Variants in PIK3R5 observed in about 807,000 individuals in gnomAD.
The protein encoded by PIK3R5 is phosphoinositide 3-kinase regulatory subunit 5.
Under a neutral mutation model 94.9 loss-of-function variants are expected in PIK3R5, and 32 were observed. The ratio of observed to expected loss-of-function variants is 0.34; its 90% CI spans 0.25 to 0.45. The LOEUF is 0.45. Ranked by LOEUF, PIK3R5 falls within the 20% of genes least tolerant of loss-of-function variation. The probability of loss-of-function intolerance (pLI) is 1.00; values close to 1 mark genes in which losing one functional copy is unlikely to be tolerated. For synonymous variants in PIK3R5, 443 were observed against 479.4 expected (o/e 0.92, Z 0.99); for missense variants, 853 against 1,144.6 (o/e 0.75, Z 3.68).
At chr17:8,908,481 A>C (rs1697208199) in intron 3 of PIK3R5, among the ~76,000 whole-genome samples, 1 of 151,952 alleles carries the variant, frequency 6.6e-6, no homozygotes, top group African/African-American at 2.4e-5. Flanking sequence ...TAGGTAGCCG[A>C]GAGTGAAAGT....
chr17:8,888,932 C>G lies in PIK3R5; in HGVS notation c.896-41G>C. ...GCCAGCACTGTCTGGGCGTCTGGGC[C>G]CCGGATCCCCTTCTATATTCCCTTT... is the stretch of plus-strand genomic sequence containing the variant. On this transcript the variant is annotated intron_variant, in intron 9 of 18. Transcript: ENST00000447110. The surrounding 1 kb of genome is among the most constrained non-coding windows in gnomAD (Gnocchi z 7.8). The G allele has an allele frequency of 6.4e-7, 1 of 1,560,950 alleles. No individual in the cohort carries two copies. The highest frequency in any genetic ancestry group is 2.2e-5 in the East Asian group (1 of 44,486).
In PIK3R5 at chr17:8,893,252, C is replaced by A. The variant is rs757936796; in HGVS notation, c.482+334G>T. Reference sequence around the variant, plus strand: ...GCTCGTACCCTTGCTCGCTGTGTGACCTTGGGGAAGTTGCTTGACCTCTCT... The same window carrying A: ...GCTCGTACCCTTGCTCGCTGTGTGAACTTGGGGAAGTTGCTTGACCTCTCT... On this transcript the variant is annotated intron_variant, in intron 6 of 18. Transcript: ENST00000447110. The surrounding 1 kb of genome is among the most constrained non-coding windows in gnomAD (Gnocchi z 5.1). Among the ~76,000 whole-genome samples the A allele has an allele frequency of 1.3e-5, 2 of 152,106 alleles. No homozygotes were observed. The highest frequency in any genetic ancestry group is 6.5e-5 in the Admixed American group (1 of 15,270).
chr17:8,917,850 A>C lies in PIK3R5; in HGVS notation c.-13-6343T>G, dbSNP rs2090660609. Among the ~76,000 whole-genome samples the C allele has an allele frequency of 1.3e-5, 2 of 152,212 alleles. 1 individual carries two copies. The highest frequency in any genetic ancestry group is 4.1e-4 in the South Asian group (2 of 4,830). On this transcript the variant is annotated intron_variant, in intron 1 of 18. Coordinates refer to ENST00000447110, the MANE Select transcript of PIK3R5 (RefSeq NM_001142633.3). ...CACTGCACTCCAGCCTAGGTGACACAGCAAGACTCCATGTCAAAAAAAGAA... is the reference window on the plus strand; with the variant it reads ...CACTGCACTCCAGCCTAGGTGACACCGCAAGACTCCATGTCAAAAAAAGAA...
Position 8,960,329 on chromosome 17 carries a change from C to A in PIK3R5, c.-14+5267G>T, listed in dbSNP as rs191322748. ...CTCAAATATGACTTCTTCAGAGAAA[C>A]CTTTCCTTAACCCCTCAACTATATT... On this transcript the variant is annotated intron_variant, in intron 1 of 18. Transcript: ENST00000447110. Among the ~76,000 whole-genome samples, 7 of 152,360 alleles carry A rather than the reference C, an allele frequency of 4.6e-5. No homozygotes were observed. The East Asian group carries it at 7.7e-4, about 17-fold the overall frequency.
rs1391945616 is a variant in PIK3R5, at chr17:8,925,126, GATAGATAGATAGTAGATGA to G, written c.-13-13638_-13-13620del. On this transcript the variant is annotated intron_variant, in intron 1 of 18. Coordinates refer to ENST00000447110, the MANE Select transcript of PIK3R5 (RefSeq NM_001142633.3). This position sits in a 1 kb window ranked among gnomAD's most constrained non-coding sequence, Gnocchi z 5.1. Reference sequence around the variant, plus strand: ...TAGATGGATAGATAGATAGTAGATGGATAGATAGATAGTAGATGAATAGATAGCTAGATAGTAGATGGAT... The same window carrying G: ...TAGATGGATAGATAGATAGTAGATGGATAGATAGCTAGATAGTAGATGGAT... 1.9e-3 allele frequency among the ~76,000 whole-genome samples: 283 copies of G among 150,700 alleles called. 1 individual carries two copies. The highest frequency in any genetic ancestry group is 6.3e-3 in the African/African-American group (261 of 41,312).
intron 5 of PIK3R5, among the ~76,000 whole-genome samples, chr17:8,903,505 ATATAT>A (rs934751280): frequency 5.3e-5 from 8 of 149,874 alleles, no homozygotes; most frequent in Non-Finnish European, 1.0e-4. Context: ...TAAAATATTT[ATATAT>A]TATGTTTTTT....
At chr17:8,907,762 A>G (rs1437597305) in intron 3 of PIK3R5, among the ~76,000 whole-genome samples, 1 of 151,882 alleles carries the variant, frequency 6.6e-6, no homozygotes, top group African/African-American at 2.4e-5. Flanking sequence ...TCAGCCTCCC[A>G]AGTAGCTGAG....
At position 8,924,208 on chromosome 17, in the gene PIK3R5, A is replaced by C. The variant is rs1449993962; in HGVS notation, c.-13-12701T>G. 2.7e-5 allele frequency among the ~76,000 whole-genome samples: 4 copies of C among 150,244 alleles called. No homozygotes were observed. The East Asian group carries it at 7.8e-4, about 29-fold the overall frequency. ...ATCCTCCTGCCTCAGCCTCTCAAGT[A>C]GCTGGAACTACAGGCACATGTCACA... On this transcript the variant is annotated intron_variant, in intron 1 of 18. Transcript: ENST00000447110.
chr17:8,914,516 A>G (rs2090593955), intron 1 of PIK3R5, among the ~76,000 whole-genome samples: 1 of 152,212 alleles, frequency 6.6e-6, no homozygotes, highest in Admixed American at 6.5e-5. Flanking sequence ...AATCCCTGTC[A>G]TAAGATTGGG....
chr17:8,914,144 AC>A (rs1404370960), intron 1 of PIK3R5, among the ~76,000 whole-genome samples: 1 of 151,944 alleles, frequency 6.6e-6, no homozygotes, highest in East Asian at 1.9e-4. Flanking sequence ...TGTGACAGCG[AC>A]CCTTTGTTCT....
intron 1 of PIK3R5, among the ~76,000 whole-genome samples, chr17:8,941,221 G>A (rs1363362640): frequency 2.6e-5 from 4 of 152,164 alleles, no homozygotes; most frequent in African/African-American, 7.2e-5. Flanking sequence ...GGGAGGCAGA[G>A]AGTAGGGAGG....
intron 1 of PIK3R5, among the ~76,000 whole-genome samples, chr17:8,964,992 T>C (rs942129755): frequency 2.4e-5 from 3 of 123,826 alleles, no homozygotes; most frequent in Admixed American, 8.8e-5. Context: ...CACGCGCACA[T>C]GCGCATGCCC....
chr17:8,913,498 G>A lies in PIK3R5; in HGVS notation c.-13-1991C>T, dbSNP rs191359414. ...AAGGTGGGCGGATCACTTGAGGTCA[G>A]GATTTCGAATCCAGCCTGGCCAACA... On this transcript the variant is annotated intron_variant, in intron 1 of 18. Transcript: ENST00000447110. Among the ~76,000 whole-genome samples, 42 of 152,276 alleles carry A rather than the reference G, an allele frequency of 2.8e-4. No homozygotes were observed. In the East Asian group the frequency reaches 7.5e-3, roughly 27 times the overall value.
At chr17:8,907,411 C>T (rs2090420136) in intron 3 of PIK3R5, among the ~76,000 whole-genome samples, 1 of 152,132 alleles carries the variant, frequency 6.6e-6, no homozygotes, top group Non-Finnish European at 1.5e-5. Context: ...CTATGCAGCA[C>T]ATTCCTTTTT....
rs142003499 is a variant in PIK3R5 at position 8,945,933 on chromosome 17, G to A, written c.-14+19663C>T. 6.2e-3 allele frequency among the ~76,000 whole-genome samples: 943 copies of A among 152,288 alleles called. 11 individuals are homozygous for A. The highest frequency in any genetic ancestry group is 0.019 in the African/African-American group (790 of 41,544). On this transcript the variant is annotated intron_variant, in intron 1 of 18. Transcript: ENST00000447110. The surrounding 1 kb of genome is among the most constrained non-coding windows in gnomAD (Gnocchi z 4.0). ...GAGAAATTAGATTATCCATCTGGACGTTGCCATGATGTAAGGAAGCCCAAA... is the reference window on the plus strand; with the variant it reads ...GAGAAATTAGATTATCCATCTGGACATTGCCATGATGTAAGGAAGCCCAAA...
At chr17:8,885,997 C>A (rs1012315652) in intron 14 of PIK3R5, among the ~76,000 whole-genome samples, 3 of 151,280 alleles carry the variant, frequency 2.0e-5, no homozygotes, top group Non-Finnish European at 3.0e-5. Context: ...GTAACCCTAC[C>A]TTCCCGTGGC....
chr17:8,907,523 T>C (rs1567648136), intron 3 of PIK3R5, among the ~76,000 whole-genome samples: 1 of 152,062 alleles, frequency 6.6e-6, no homozygotes, highest in Non-Finnish European at 1.5e-5. Context: ...TTGAGACATA[T>C]TGTCATATTG....
Position 8,890,717 on chromosome 17 carries a change from C to A in PIK3R5, c.657+21G>T, listed in dbSNP as rs777774481. Reference sequence around the variant, plus strand: ...TCCTCAGAGAGGTGCTCCACCAGAGCCCCAGGCCCCAGGTACATACCTGTA... The same window carrying A: ...TCCTCAGAGAGGTGCTCCACCAGAGACCCAGGCCCCAGGTACATACCTGTA... On this transcript the variant is annotated intron_variant, in intron 7 of 18. Coordinates refer to ENST00000447110, the MANE Select transcript of PIK3R5 (RefSeq NM_001142633.3). This position sits in a 1 kb window ranked among gnomAD's most constrained non-coding sequence, Gnocchi z 6.1. 1.9e-6 allele frequency: 3 copies of A among 1,589,898 alleles called. No individual in the cohort carries two copies. Among genetic ancestry groups the A allele is most frequent in the Non-Finnish European group, 2.6e-6 (3 of 1,167,522 alleles).
intron 1 of PIK3R5, among the ~76,000 whole-genome samples, chr17:8,947,502 C>T (rs1414805091): frequency 5.3e-5 from 8 of 151,858 alleles, no homozygotes; most frequent in Middle Eastern, 3.4e-3. Flanking sequence ...TGTTTCCGTG[C>T]GTATCTAGTC....
Sources: gnomAD v4.1 joint callset for allele counts (sites outside exome capture counted in the v4.1 genomes callset) on GRCh38, gnomAD v4.1.1 for gene constraint, Gnocchi (gnomAD v3.1) non-coding constraint, MANE v1.5 for transcripts, NCBI Gene and HGNC (gene_info 2026-07-23, HGNC 2026-07-21) for gene names.